Variants in BMAL1 observed in about 807,000 individuals in gnomAD.
The protein encoded by BMAL1 is basic helix-loop-helix ARNT like 1.
chr11:13,300,678 C>G, the BMAL1 span, among the ~76,000 whole-genome samples: 3 of 152,038 alleles, frequency 2.0e-5, 1 homozygote. Context: ...TGCCCTAAAA[C>G]AAGAAAAAGT....
At chr11:13,312,873 C>G in the BMAL1 span, among the ~76,000 whole-genome samples, 2 of 152,202 alleles carry the variant, frequency 1.3e-5, no homozygotes, top group Non-Finnish European at 2.9e-5. Context: ...AGAGGTGAAA[C>G]AGGACAAGGT....
At chr11:13,385,683 T>C in the BMAL1 span, 2 of 1,601,006 alleles carry the variant, frequency 1.2e-6, no homozygotes, top group East Asian at 2.2e-5. Flanking sequence ...CTCCTTTTGT[T>C]TGTAGATTTT....
chr11:13,324,389 T>A, the BMAL1 span, among the ~76,000 whole-genome samples: 2 of 152,124 alleles, frequency 1.3e-5, no homozygotes, highest in African/African-American at 4.8e-5. Flanking sequence ...CTTTTCTTAC[T>A]GTTCCCCCTG....
the BMAL1 span, among the ~76,000 whole-genome samples, chr11:13,338,801 G>A: frequency 1.1e-4 from 16 of 152,314 alleles, no homozygotes; most frequent in South Asian, 2.5e-3. Context: ...CCAAAAGGTC[G>A]TTACGAGGAC....
the BMAL1 span, among the ~76,000 whole-genome samples, chr11:13,305,759 G>C: frequency 1.3e-5 from 2 of 152,122 alleles, no homozygotes; most frequent in Non-Finnish European, 2.9e-5. Context: ...CTTGCACTTT[G>C]CTGGCATGGT....
the BMAL1 span, among the ~76,000 whole-genome samples, chr11:13,329,609 C>A: frequency 2.0e-5 from 3 of 152,270 alleles, no homozygotes; most frequent in East Asian, 3.9e-4. Flanking sequence ...TTTCTCTCAG[C>A]GAGAATGTGG....
At chr11:13,327,127 G>A in the BMAL1 span, among the ~76,000 whole-genome samples, 2 of 151,740 alleles carry the variant, frequency 1.3e-5, no homozygotes, top group East Asian at 4.0e-4. Context: ...GCCCATAGCG[G>A]TTCACTCATG....
At chr11:13,340,525 T>G in the BMAL1 span, among the ~76,000 whole-genome samples, 1 of 152,170 alleles carries the variant, frequency 6.6e-6, no homozygotes, top group Non-Finnish European at 1.5e-5. Flanking sequence ...AAAACTCTAT[T>G]CACTTTTCAG....
At chr11:13,358,082 C>T in the BMAL1 span, among the ~76,000 whole-genome samples, 17 of 152,332 alleles carry the variant, frequency 1.1e-4, no homozygotes, top group African/African-American at 3.6e-4. Context: ...ATGAAGCCAC[C>T]ACCTCCCTTC....
the BMAL1 span, chr11:13,366,826 C>G: frequency 1.3e-6 from 2 of 1,533,248 alleles, no homozygotes; most frequent in Non-Finnish European, 1.8e-6. Flanking sequence ...AGCCCACTCA[C>G]AGGCAGCCAA....
chr11:13,373,068 A>C, the BMAL1 span, among the ~76,000 whole-genome samples: 1 of 152,214 alleles, frequency 6.6e-6, no homozygotes, highest in Non-Finnish European at 1.5e-5. Flanking sequence ...TGAGCTGTCC[A>C]ATAAAATACT....
the BMAL1 span, among the ~76,000 whole-genome samples, chr11:13,352,475 C>T: frequency 6.6e-6 from 1 of 152,154 alleles, no homozygotes; most frequent in Non-Finnish European, 1.5e-5. Flanking sequence ...CTGAAGAATA[C>T]AAGTAAAAAC....
At chr11:13,291,147 A>G in the BMAL1 span, among the ~76,000 whole-genome samples, 1 of 152,234 alleles carries the variant, frequency 6.6e-6, no homozygotes, top group Non-Finnish European at 1.5e-5. Flanking sequence ...TTAAAGGCCA[A>G]GTTTGATGTT....
At chr11:13,313,753 CAT>C in the BMAL1 span, among the ~76,000 whole-genome samples, 6 of 152,298 alleles carry the variant, frequency 3.9e-5, no homozygotes, top group East Asian at 3.9e-4. Flanking sequence ...CTTTCTAACA[CAT>C]GTCTGATCAG....
the BMAL1 span, among the ~76,000 whole-genome samples, chr11:13,384,032 T>C: frequency 3.3e-5 from 5 of 152,336 alleles, no homozygotes; most frequent in African/African-American, 9.6e-5. Flanking sequence ...TGTGATTAAG[T>C]TGTGAGTTGA....
At chr11:13,347,436 A>G in the BMAL1 span, among the ~76,000 whole-genome samples, 1 of 152,180 alleles carries the variant, frequency 6.6e-6, no homozygotes, top group African/African-American at 2.4e-5. Context: ...CAAAATCTAT[A>G]TTAGCATTTA....
the BMAL1 span, among the ~76,000 whole-genome samples, chr11:13,300,246 T>A: frequency 1.3e-5 from 2 of 152,250 alleles, no homozygotes; most frequent in Non-Finnish European, 2.9e-5. Flanking sequence ...TTTAGATTGC[T>A]TCTAATTTTT....
the BMAL1 span, among the ~76,000 whole-genome samples, chr11:13,328,182 T>G: frequency 0.018 from 2,667 of 152,316 alleles, 78 homozygotes; most frequent in African/African-American, 0.06. Flanking sequence ...GGCTTTTTTT[T>G]GGCCCAAAAC....
At chr11:13,375,564 C>T in the BMAL1 span, 2 of 1,474,104 alleles carry the variant, frequency 1.4e-6, no homozygotes, top group South Asian at 1.4e-5. Context: ...CTGTTTAATA[C>T]TTTGGTCTGA....
Sources: gnomAD v4.1 joint callset for allele counts (sites outside exome capture counted in the v4.1 genomes callset) on GRCh38, gnomAD v4.1.1 for gene constraint, MANE v1.5 for transcripts, NCBI Gene and HGNC (gene_info 2026-07-23, HGNC 2026-07-21) for gene names.